The following ULK4 variants were observed in gnomAD, a reference collection of about 807,000 sequenced individuals.
ULK4 encodes inactive serine/threonine-protein kinase ULK4.
A neutral mutation model predicts 160.6 loss-of-function variants in ULK4; 133 were observed. The ratio of observed to expected loss-of-function variants is 0.83; its 90% CI spans 0.72 to 0.96. The LOEUF is 0.96. Among genes scored for constraint, ULK4 ranks in the 40% least tolerant of loss-of-function variants. The pLI is 0.00. For missense variants in ULK4, 1,580 were observed against 1,499.5 expected, an observed-to-expected ratio of 1.05 and a Z score of -0.89; for synonymous variants, 534 against 539.8, an observed-to-expected ratio of 0.99 and a Z score of 0.15.
intron 35 of ULK4, among the ~76,000 whole-genome samples, chr3:41,329,583 A>T (rs997532380): frequency 3.4e-5 from 5 of 145,396 alleles, no homozygotes; most frequent in Non-Finnish European, 6.1e-5. Context: ...ATCTATAAAA[A>T]ATTGAATCTC....
intron 18 of ULK4, among the ~76,000 whole-genome samples, chr3:41,831,796 A>AGTGTTAGGTTTTCTGTTCCT (rs2041599032): frequency 6.6e-6 from 1 of 151,710 alleles, no homozygotes; most frequent in Admixed American, 6.6e-5. Context: ...GAGAATATGC[A>AGTGTTAGGTTTTCTGTTCCT]GTGTTAGGTT....
At chr3:41,923,265 G>A (rs1699259784) in intron 5 of ULK4, among the ~76,000 whole-genome samples, 1 of 152,064 alleles carries the variant, frequency 6.6e-6, no homozygotes, top group South Asian at 2.1e-4. Context: ...TTGGGAGGCT[G>A]AGGTGGGCAG....
intron 35 of ULK4, among the ~76,000 whole-genome samples, chr3:41,297,005 T>C (rs2079682096): frequency 2.0e-5 from 3 of 152,186 alleles, no homozygotes; most frequent in Non-Finnish European, 2.9e-5. Flanking sequence ...CATGTTTTCC[T>C]GTGCAGGAGC....
intron 35 of ULK4, among the ~76,000 whole-genome samples, chr3:41,265,198 C>T (rs1036618592): frequency 1.3e-5 from 2 of 152,232 alleles, no homozygotes; most frequent in African/African-American, 4.8e-5. Flanking sequence ...CTCAGATCCA[C>T]GGCCACAGGG....
chr3:41,490,246 T>A (rs543883127), intron 32 of ULK4, among the ~76,000 whole-genome samples: 2 of 152,318 alleles, frequency 1.3e-5, no homozygotes, highest in African/African-American at 2.4e-5. Context: ...ATTGACATAA[T>A]GTTCCTCCAC....
intron 32 of ULK4, among the ~76,000 whole-genome samples, chr3:41,487,765 T>C (rs2084593540): frequency 6.6e-6 from 1 of 152,160 alleles, no homozygotes; most frequent in African/African-American, 2.4e-5. Flanking sequence ...CAGAAAACAA[T>C]GATACATCTG....
At chr3:41,851,627 G>A (rs2042216074) in intron 17 of ULK4, among the ~76,000 whole-genome samples, 1 of 152,028 alleles carries the variant, frequency 6.6e-6, no homozygotes, top group African/African-American at 2.4e-5. Flanking sequence ...TTTTTCTATT[G>A]ATTGGAATAG....
At chr3:41,770,748 A>G (rs1444312096) in intron 21 of ULK4, among the ~76,000 whole-genome samples, 3 of 152,088 alleles carry the variant, frequency 2.0e-5, no homozygotes, top group Non-Finnish European at 4.4e-5. Flanking sequence ...CCTGGCCTCA[A>G]GTGATCCACC....
At chr3:41,834,885 T>C (rs922064371) in intron 18 of ULK4, among the ~76,000 whole-genome samples, 2 of 151,620 alleles carry the variant, frequency 1.3e-5, no homozygotes, top group African/African-American at 2.4e-5. Flanking sequence ...CTTCACAAAA[T>C]ATACAAAAAA....
intron 32 of ULK4, among the ~76,000 whole-genome samples, chr3:41,479,186 A>C (rs944298951): frequency 1.3e-5 from 2 of 152,220 alleles, no homozygotes; most frequent in Non-Finnish European, 2.9e-5. Context: ...AGAGCCCTAC[A>C]CCTCAGAAAA....
At position 41,364,738 on chromosome 3, in the gene ULK4, C is replaced by T. The variant is rs142154864; in HGVS notation, c.3678+33341G>A. Among the ~76,000 whole-genome samples the T allele has an allele frequency of 5.0e-3, 757 of 152,252 alleles. 8 individuals are homozygous for T. The highest frequency in any genetic ancestry group is 0.017 in the African/African-American group (712 of 41,532). ...CACAAACAAACACAAATTGGAGTTC[C>T]AGTCCTCTTTCCAGCAAACATAACT... is the stretch of plus-strand genomic sequence containing the variant. On this transcript the variant is annotated intron_variant, in intron 35 of 36. Coordinates refer to ENST00000301831, the MANE Select transcript of ULK4 (RefSeq NM_017886.4).
chr3:41,453,694 T>C (rs1184716321), intron 34 of ULK4, among the ~76,000 whole-genome samples: 1 of 152,166 alleles, frequency 6.6e-6, no homozygotes, highest in Non-Finnish European at 1.5e-5. Flanking sequence ...ATTGAGCCCA[T>C]GCCCATGAAC....
intron 35 of ULK4, among the ~76,000 whole-genome samples, chr3:41,265,971 G>A (rs560624179): frequency 1.8e-3 from 270 of 152,310 alleles, no homozygotes; most frequent in Non-Finnish European, 3.2e-3. Context: ...CCCCTGCTCT[G>A]GGTGAATCAG....
chr3:41,278,833 A>C (rs1327094471), intron 35 of ULK4, among the ~76,000 whole-genome samples: 2 of 152,208 alleles, frequency 1.3e-5, no homozygotes, highest in African/African-American at 4.8e-5. Flanking sequence ...AACCACAAAG[A>C]TGGGGAGAAA....
chr3:41,506,135 T>A (rs558054061), intron 32 of ULK4, among the ~76,000 whole-genome samples: 1 of 152,216 alleles, frequency 6.6e-6, no homozygotes, highest in African/African-American at 2.4e-5. Context: ...TCATCTTAAA[T>A]AGATCACAAG....
At chr3:41,605,865 G>A (rs1332499494) in intron 31 of ULK4, among the ~76,000 whole-genome samples, 2 of 151,898 alleles carry the variant, frequency 1.3e-5, no homozygotes, top group African/African-American at 2.4e-5. Context: ...CATAAAACAA[G>A]TCTGAAGAAA....
At chr3:41,624,939 A>C (rs1295068010) in intron 30 of ULK4, among the ~76,000 whole-genome samples, 1 of 152,164 alleles carries the variant, frequency 6.6e-6, no homozygotes, top group East Asian at 1.9e-4. Context: ...GGACTTTCTA[A>C]GTGCTTCAGT....
At chr3:41,913,551 T>A (rs1698868856) in intron 8 of ULK4, among the ~76,000 whole-genome samples, 1 of 152,168 alleles carries the variant, frequency 6.6e-6, no homozygotes, top group Non-Finnish European at 1.5e-5. Flanking sequence ...AGTAAATATA[T>A]CAGATATCTA....
chr3:41,480,464 C>T (rs1487260560), intron 32 of ULK4, among the ~76,000 whole-genome samples: 1 of 152,036 alleles, frequency 6.6e-6, no homozygotes, highest in Non-Finnish European at 1.5e-5. Flanking sequence ...CTCTGCCACT[C>T]CTGAGATAGC....
Sources: allele counts gnomAD v4.1 joint callset (sites outside exome capture counted in the v4.1 genomes callset), GRCh38; gene constraint gnomAD v4.1.1; transcripts MANE v1.5; gene names NCBI Gene and HGNC (gene_info 2026-07-23, HGNC 2026-07-21).